Variants in CFAP100 observed in about 807,000 individuals in gnomAD.
CFAP100 encodes the protein cilia and flagella associated protein 100.
In CFAP100, 70 loss-of-function variants were observed where a neutral mutation model predicts 81.5. That is an observed-to-expected ratio of 0.86 (90% confidence interval 0.71 to 1.05). The LOEUF is 1.05. Ranked by LOEUF, CFAP100 falls within the 50% of genes least tolerant of loss-of-function variation. The pLI is 0.00. For synonymous variants in CFAP100, 341 were observed against 314.8 expected, an observed-to-expected ratio of 1.08 and a Z score of -0.88; for missense variants, 811 against 776.5, an observed-to-expected ratio of 1.04 and a Z score of -0.53.
At chr3:126,435,367 T>A (rs1933404187) in intron 15 of CFAP100, among the ~76,000 whole-genome samples, 192 bp from the exon 16 acceptor site, 1 of 152,152 alleles carries the variant, frequency 6.6e-6, no homozygotes, top group Non-Finnish European at 1.5e-5. Context: ...CCTCTGGGCC[T>A]AGGCCACCTT....
intron 15 of CFAP100, chr3:126,434,665 G>A: frequency 2.5e-6 from 1 of 402,016 alleles, no homozygotes; most frequent in Non-Finnish European, 4.5e-6. Context: ...CTTAGTTAGA[G>A]TGTGGCTAGC....
Position 126,395,973 on chromosome 3 carries a change from T to C in CFAP100, c.-28T>C, listed in dbSNP as rs1454122494. The C allele has an allele frequency of 6.2e-7, 1 of 1,600,208 alleles. No individual in the cohort carries two copies. Among genetic ancestry groups the C allele is most frequent in the Admixed American group, 1.7e-5 (1 of 59,990 alleles). ...ATCTCCTTTAGAAGAGGAGAAGCCTTGCATCAACCTCTTGGGCCTCAGCCA... is the reference window on the plus strand; with the variant it reads ...ATCTCCTTTAGAAGAGGAGAAGCCTCGCATCAACCTCTTGGGCCTCAGCCA... On this transcript the variant is annotated 5_prime_UTR_variant, in exon 2 of 17. Coordinates refer to ENST00000352312, the MANE Select transcript of CFAP100 (RefSeq NM_182628.3).
At chr3:126,412,611 C>T (rs7615511) in intron 3 of CFAP100, among the ~76,000 whole-genome samples, 137,718 of 152,292 alleles carry the variant, frequency 0.9, 62,785 homozygotes, top group Non-Finnish European at 0.94. Flanking sequence ...TTACATTGAT[C>T]GGCTTAAAAA....
intron 2 of CFAP100, chr3:126,396,633 A>G (rs1434136985): frequency 6.5e-6 from 1 of 153,740 alleles, no homozygotes; most frequent in Non-Finnish European, 1.4e-5. Context: ...AATTGGGATG[A>G]CACAGTTCAA....
At chr3:126,397,077 T>C (rs972638277) in intron 2 of CFAP100, among the ~76,000 whole-genome samples, 4 of 152,164 alleles carry the variant, frequency 2.6e-5, no homozygotes, top group Admixed American at 2.6e-4. Context: ...TTTGTTCTTT[T>C]CTTACACGGA....
At chr3:126,418,916 C>A (rs569423947) in intron 7 of CFAP100, 142 bp downstream of exon 7, 4 of 1,132,864 alleles carry the variant, frequency 3.5e-6, no homozygotes, top group African/African-American at 3.2e-5. Context: ...GAGCCAAGGG[C>A]AGGGGACACT....
chr3:126,419,192 C>A, intron 8 of CFAP100, 36 bp downstream of exon 8: 1 of 1,375,744 alleles, frequency 7.3e-7, no homozygotes. Flanking sequence ...TTGGCTGGCC[C>A]ACCTCCTGGT....
intron 14 of CFAP100, chr3:126,433,632 G>A (rs1279560405): frequency 1.5e-5 from 3 of 197,818 alleles, no homozygotes; most frequent in South Asian, 1.0e-4. Flanking sequence ...GGGCCACCCC[G>A]GGCATGGGAT....
At chr3:126,431,041 T>C (rs1007918875) in intron 13 of CFAP100, among the ~76,000 whole-genome samples, 2 of 152,196 alleles carry the variant, frequency 1.3e-5, no homozygotes, top group African/African-American at 4.8e-5. Context: ...CTTCTTTCAG[T>C]CTTTAGGGAC....
In CFAP100 at chr3:126,416,411, G is replaced by C. The variant is rs1576631354; in HGVS notation, c.321G>C (p.Gln107His). 1.2e-6 allele frequency: 2 copies of C among 1,612,234 alleles called. No homozygotes were observed. The highest frequency in any genetic ancestry group is 3.3e-5 in the Admixed American group (2 of 59,952). The change falls in exon 5 of 17, where the codon CAG (glutamine) becomes CAC (histidine). Residue 107 changes from glutamine to histidine, a missense_variant. Gln to His is a conservative substitution (Grantham distance 24). Transcript: ENST00000352312. ...AKHTSLRRQL[Q>H]LEDKQEDLEA... is the part of the protein sequence containing the mutation. ...ACACCAGCCTGCGGCGGCAGCTGCA[G>C]CTGGAGGACAAGCAGGAGGACCTGG...
Position 126,436,414 on chromosome 3 carries a change from A to G in CFAP100, c.*10A>G. 1 of 1,601,748 alleles carries G rather than the reference A, an allele frequency of 6.2e-7. No homozygotes were observed. Among genetic ancestry groups the G allele is most frequent in the Non-Finnish European group, 8.5e-7 (1 of 1,169,810 alleles). ...ATTTTTCTTTACTTAATCTTCGCAGACCATAGCTGTTCTGGCTGAAGGCTT... is the reference window on the plus strand; with the variant it reads ...ATTTTTCTTTACTTAATCTTCGCAGGCCATAGCTGTTCTGGCTGAAGGCTT... On this transcript the variant is annotated 3_prime_UTR_variant, in exon 17 of 17. Transcript: ENST00000352312.
chr3:126,407,304 C>A, intron 3 of CFAP100, 52 bp downstream of exon 3: 2 of 1,199,894 alleles, frequency 1.7e-6, no homozygotes, highest in Non-Finnish European at 2.5e-6. Context: ...GGCAACTCCT[C>A]TCCCTCTGCC....
rs562066885 is a variant in CFAP100 at position 126,418,815 on chromosome 3, A to T, written c.650+41A>T. ...CGAGGGGCTGGCTGGGCAATGCCGA[A>T]CCCCCACTGTCCCTGAGCCTGTGCA... On this transcript the variant is annotated intron_variant, in intron 7 of 16. Coordinates refer to ENST00000352312, the MANE Select transcript of CFAP100 (RefSeq NM_182628.3). The T allele has an allele frequency of 1.2e-4, 186 of 1,532,352 alleles. 1 individual carries two copies. The South Asian group carries it at 1.7e-3, about 14-fold the overall frequency. 94.9% of individuals were successfully genotyped at this position (1,532,352 alleles called of 1,614,324 possible). A position where few individuals can be genotyped will look rare whatever the true frequency, so the allele number is the denominator to read the frequency against.
At chr3:126,406,457 G>C (rs577151302) in intron 2 of CFAP100, among the ~76,000 whole-genome samples, 1 of 152,234 alleles carries the variant, frequency 6.6e-6, no homozygotes, top group Admixed American at 6.5e-5. Context: ...CTCAGGCACC[G>C]ACCAGGATCT....
chr3:126,416,403 C>T lies in CFAP100; in HGVS notation c.313C>T (p.Gln105Ter). Residue 105 changes from glutamine to a stop codon, truncating the protein, a stop_gained, in exon 5 of 17, where the codon CAG becomes TAG. Coordinates refer to ENST00000352312, the MANE Select transcript of CFAP100 (RefSeq NM_182628.3). LOFTEE classifies it high-confidence loss of function. ...GGCTAAGCACACCAGCCTGCGGCGG[C>T]AGCTGCAGCTGGAGGACAAGCAGGA... is the stretch of plus-strand genomic sequence containing the variant. The part of the protein sequence containing the change: ...VSAKHTSLRR[Q>*]LQLEDKQEDL... 1 of 1,612,092 alleles carries T rather than the reference C, an allele frequency of 6.2e-7. No individual in the cohort carries two copies. Among genetic ancestry groups the T allele is most frequent in the African/African-American group, 1.3e-5 (1 of 74,986 alleles).
chr3:126,422,239 G>A (rs1413589350), intron 11 of CFAP100, among the ~76,000 whole-genome samples: 2 of 152,342 alleles, frequency 1.3e-5, no homozygotes, highest in Admixed American at 1.3e-4. Context: ...GAAAGGCATC[G>A]TATGGGCCAG....
At chr3:126,418,374 G>T in intron 5 of CFAP100, 84 bp from the exon 6 acceptor site, 1 of 1,249,334 alleles carries the variant, frequency 8.0e-7, no homozygotes. Flanking sequence ...GCCAGCAGCC[G>T]GTGGAAGGCT....
chr3:126,420,072 G>A, intron 10 of CFAP100, 31 bp from the exon 11 acceptor site: 1 of 1,613,274 alleles, frequency 6.2e-7, no homozygotes, highest in African/African-American at 1.3e-5. Flanking sequence ...CCCTGCACAG[G>A]GCTCGGAAAC....
At chr3:126,425,264 T>C (rs774035230) in intron 13 of CFAP100, among the ~76,000 whole-genome samples, 1 of 152,244 alleles carries the variant, frequency 6.6e-6, no homozygotes, top group Non-Finnish European at 1.5e-5. Flanking sequence ...GCACCCATAC[T>C]TTGTTTCCAG....
Sources: allele counts gnomAD v4.1 joint callset (sites outside exome capture counted in the v4.1 genomes callset), GRCh38; gene constraint gnomAD v4.1.1; transcripts MANE v1.5; gene names NCBI Gene and HGNC (gene_info 2026-07-23, HGNC 2026-07-21).